The following ROBO2 variants were observed in gnomAD, a reference collection of about 807,000 sequenced individuals.
ROBO2 encodes roundabout homolog 2.
In ROBO2, 53 loss-of-function variants were observed where a neutral mutation model predicts 160.8. The observed-to-expected ratio is 0.33, with a 90% CI of 0.26 to 0.41. The LOEUF (loss-of-function observed/expected upper bound fraction) is 0.41. ROBO2 is among the 10% of genes least tolerant of loss of function. The pLI is 1.00. For missense variants in ROBO2, 1,577 were observed against 1,722.4 expected (o/e 0.92, Z 1.49); for synonymous variants, 664 against 611.7 (o/e 1.09, Z -1.26).
chr3:76,323,480 G>A (rs2072750307), intron 2 of ROBO2, among the ~76,000 whole-genome samples: 1 of 152,006 alleles, frequency 6.6e-6, no homozygotes, highest in Admixed American at 6.6e-5. Flanking sequence ...TATCACATCT[G>A]GTTTAAAATA....
At chr3:76,342,697 A>G (rs1175333058) in intron 2 of ROBO2, among the ~76,000 whole-genome samples, 1 of 152,104 alleles carries the variant, frequency 6.6e-6, no homozygotes, top group Non-Finnish European at 1.5e-5. Context: ...AAAAATCACT[A>G]GAGTATGGTA....
In ROBO2 at chr3:76,666,644, C is replaced by G. The variant is rs143671193; in HGVS notation, c.110-431370C>G. Among the ~76,000 whole-genome samples, 1,161 of 152,050 alleles carry G rather than the reference C, an allele frequency of 7.6e-3. 14 individuals carry two copies. The highest frequency in any genetic ancestry group is 0.026 in the African/African-American group (1,097 of 41,502). Reference sequence around the variant, plus strand: ...GAAAATGAAAAAAAATACAGTCAAACTGATTATTTCACATCTAATATCTCA... The same window carrying G: ...GAAAATGAAAAAAAATACAGTCAAAGTGATTATTTCACATCTAATATCTCA... On this transcript the variant is annotated intron_variant, in intron 2 of 26. Transcript: ENST00000487694.
chr3:77,028,704 G>A (rs1240486159), intron 2 of ROBO2, among the ~76,000 whole-genome samples: 2 of 152,106 alleles, frequency 1.3e-5, no homozygotes, highest in Admixed American at 6.6e-5. Flanking sequence ...GGGTGACAGA[G>A]CGAGACTCCG....
intron 2 of ROBO2, among the ~76,000 whole-genome samples, chr3:76,201,209 G>GA (rs1472173390): frequency 6.6e-6 from 1 of 152,122 alleles, no homozygotes; most frequent in Non-Finnish European, 1.5e-5. Flanking sequence ...AATTGTTTCT[G>GA]AAAAATCCAT....
intron 2 of ROBO2, among the ~76,000 whole-genome samples, chr3:76,871,321 G>A (rs1443429848): frequency 1.3e-5 from 2 of 151,906 alleles, no homozygotes; most frequent in South Asian, 2.1e-4. Flanking sequence ...TTGGGAGGCC[G>A]AGGCAGGCGG....
At chr3:76,158,488 A>T (rs142309961) in intron 2 of ROBO2, among the ~76,000 whole-genome samples, 232 of 152,136 alleles carry the variant, frequency 1.5e-3, no homozygotes, top group African/African-American at 4.0e-3. Flanking sequence ...AATGCTGCAC[A>T]GGTACTATCT....
intron 2 of ROBO2, among the ~76,000 whole-genome samples, chr3:76,206,041 C>G (rs1702786604): frequency 6.6e-6 from 1 of 152,144 alleles, no homozygotes; most frequent in African/African-American, 2.4e-5. Flanking sequence ...GGCTGTCCCT[C>G]TAGTCCCCCT....
At chr3:77,562,981 T>C (rs1332360790) in intron 10 of ROBO2, among the ~76,000 whole-genome samples, 186 bp from the exon 12 acceptor site, 1 of 152,174 alleles carries the variant, frequency 6.6e-6, no homozygotes, top group Non-Finnish European at 1.5e-5. Context: ...AATGATCCTA[T>C]GTAAAAACAC....
At chr3:76,438,849 A>C (rs1054918853) in intron 2 of ROBO2, among the ~76,000 whole-genome samples, 2 of 152,096 alleles carry the variant, frequency 1.3e-5, no homozygotes, top group Non-Finnish European at 2.9e-5. Context: ...TAACTAAAAC[A>C]TACGAGATTT....
chr3:76,039,318 A>G (rs2067210506), intron 2 of ROBO2, among the ~76,000 whole-genome samples: 1 of 152,016 alleles, frequency 6.6e-6, no homozygotes, highest in South Asian at 2.1e-4. Context: ...AATTGAGAAA[A>G]TAAACATGGT....
intron 2 of ROBO2, among the ~76,000 whole-genome samples, chr3:76,518,466 G>A (rs2081446050): frequency 6.6e-6 from 1 of 151,960 alleles, no homozygotes; most frequent in African/African-American, 2.4e-5. Flanking sequence ...TCCCAGCTGG[G>A]TCAAGTCTCT....
intron 2 of ROBO2, among the ~76,000 whole-genome samples, chr3:76,637,034 G>A (rs2090378948): frequency 6.6e-6 from 1 of 152,064 alleles, no homozygotes. Context: ...TGAGCAAGCA[G>A]CAAGGAATAG....
intron 2 of ROBO2, among the ~76,000 whole-genome samples, chr3:77,356,005 T>G (rs756590084): frequency 1.3e-5 from 2 of 152,160 alleles, no homozygotes; most frequent in Non-Finnish European, 2.9e-5. Flanking sequence ...AAAATATGCT[T>G]ATTCTCGTTA....
At chr3:77,533,617 G>T (rs145177619) in intron 6 of ROBO2, among the ~76,000 whole-genome samples, 3 of 152,078 alleles carry the variant, frequency 2.0e-5, no homozygotes, top group Non-Finnish European at 4.4e-5. Flanking sequence ...TTCGCACATT[G>T]CTGCCACCAC....
At chr3:77,618,908 C>A (rs1387071800) in intron 22 of ROBO2, among the ~76,000 whole-genome samples, 2 of 152,194 alleles carry the variant, frequency 1.3e-5, no homozygotes, top group Non-Finnish European at 2.9e-5. Context: ...TTGAAGCCAG[C>A]TGCTTCAAGA....
chr3:76,606,764 A>G (rs1046651455), intron 2 of ROBO2, among the ~76,000 whole-genome samples: 1 of 152,144 alleles, frequency 6.6e-6, no homozygotes, highest in Non-Finnish European at 1.5e-5. Context: ...CAGAGGATTA[A>G]TGGTTAATTT....
At chr3:77,470,772 A>T (rs546810000) in intron 2 of ROBO2, among the ~76,000 whole-genome samples, 225 of 152,320 alleles carry the variant, frequency 1.5e-3, no homozygotes, top group African/African-American at 5.2e-3. Context: ...AACTGTATTC[A>T]TAAACTAAAA....
At chr3:77,382,877 CAT>C (rs781644039) in intron 2 of ROBO2, among the ~76,000 whole-genome samples, 2 of 152,172 alleles carry the variant, frequency 1.3e-5, no homozygotes, top group Non-Finnish European at 2.9e-5. Flanking sequence ...CTGCAATAAA[CAT>C]ATGTGTGCAG....
At chr3:76,088,635 A>G (rs1040616614) in intron 2 of ROBO2, among the ~76,000 whole-genome samples, 2 of 152,126 alleles carry the variant, frequency 1.3e-5, no homozygotes, top group Non-Finnish European at 2.9e-5. Flanking sequence ...CAAAGAAAAT[A>G]TCTCAAGAGA....
Sources: gnomAD v4.1 joint callset for allele counts (sites outside exome capture counted in the v4.1 genomes callset) on GRCh38, gnomAD v4.1.1 for gene constraint, MANE v1.5 for transcripts, NCBI Gene and HGNC (gene_info 2026-07-23, HGNC 2026-07-21) for gene names.